The following RDH12 variants were observed in gnomAD, a reference collection of about 807,000 sequenced individuals.
RDH12 encodes the protein all-trans and 9-cis retinol dehydrogenase.
A neutral mutation model predicts 34.0 loss-of-function variants in RDH12; 21 were observed. The observed-to-expected ratio is 0.62, with a 90% CI of 0.44 to 0.89. The LOEUF (loss-of-function observed/expected upper bound fraction) is 0.89. RDH12 is among the 40% of genes least tolerant of loss of function. The pLI is 0.00. For missense variants in RDH12, 394 were observed against 398.6 expected (o/e 0.99, Z 0.10); for synonymous variants, 198 against 169.9 (o/e 1.17, Z -1.29).
intron 8 of RDH12, among the ~76,000 whole-genome samples, chr14:67,731,507 G>T (rs1017457091): frequency 1.3e-5 from 2 of 151,790 alleles, no homozygotes; most frequent in African/African-American, 4.8e-5. Context: ...GAGCCACTGC[G>T]CCTGGTCTTC....
Position 67,733,958 on chromosome 14 carries a change from A to C in RDH12, c.*110A>C, listed in dbSNP as rs2038319987. 1 of 757,298 alleles carries C rather than the reference A, an allele frequency of 1.3e-6. No homozygotes were observed. The highest frequency in any genetic ancestry group is 1.7e-5 in the African/African-American group (1 of 57,710). The allele number at this position is 757,298 out of a possible 1,614,324, so 46.9% of individuals were successfully genotyped here. On this transcript the variant is annotated 3_prime_UTR_variant, in exon 9 of 9. Coordinates refer to ENST00000551171, the MANE Select transcript of RDH12 (RefSeq NM_152443.3). ...TCCTCTTGGCCAGCTGGTGCTGCGA[A>C]TCCTGCCTGCTCTGATCCTCTTGAC...
In RDH12 at chr14:67,724,481, T is replaced by G. The variant is rs1263725141; in HGVS notation, c.77T>G (p.Phe26Cys). The G allele has an allele frequency of 6.2e-7, 1 of 1,610,954 alleles. No individual in the cohort carries two copies. The highest frequency in any genetic ancestry group is 2.3e-5 in the East Asian group (1 of 44,360). The change falls in exon 4 of 9, where the codon TTT becomes TGT. Residue 26 changes from phenylalanine (F) to cysteine (C), a missense_variant. Physicochemically the swap from Phe to Cys is radical, Grantham distance 205. Coordinates refer to ENST00000551171, the MANE Select transcript of RDH12 (RefSeq NM_152443.3). ...GTTTCCCTTGCCGATAGGAAGTTCT[T>G]TGCTGGTGGAGTGTGTAGAACAAAT... ...YMVAPSIRKFFAGGVCRTNVQ... is the reference protein window; with the variant it reads ...YMVAPSIRKFCAGGVCRTNVQ...
intron 1 of RDH12, among the ~76,000 whole-genome samples, chr14:67,716,623 C>T (rs554637771): frequency 6.6e-6 from 1 of 152,272 alleles, no homozygotes; most frequent in Admixed American, 6.5e-5. Flanking sequence ...GTGGCTCACA[C>T]TTGTAATCTC....
chr14:67,725,233 T>A lies in RDH12; in HGVS notation c.322T>A (p.Phe108Ile). 1 of 1,613,526 alleles carries A rather than the reference T, an allele frequency of 6.2e-7. No individual in the cohort carries two copies. Among genetic ancestry groups the A allele is most frequent in the Non-Finnish European group, 8.5e-7 (1 of 1,180,002 alleles). Reference protein sequence around the residue: ...DLSDTKSIRAFAEGFLAEEKQ... With the variant: ...DLSDTKSIRAIAEGFLAEEKQ... Reference sequence around the variant, plus strand: ...ATCCGACACCAAATCTATCCGAGCCTTTGCTGAGGGCTTTCTGGCAGGTGA... The same window carrying A: ...ATCCGACACCAAATCTATCCGAGCCATTGCTGAGGGCTTTCTGGCAGGTGA... The change falls in exon 5 of 9, where the codon TTT (phenylalanine) becomes ATT (isoleucine). Residue 108 changes from phenylalanine (F) to isoleucine (I), a missense_variant. By Grantham distance (21) the Phe-to-Ile change is conservative. Coordinates refer to ENST00000551171, the MANE Select transcript of RDH12 (RefSeq NM_152443.3).
chr14:67,733,525 T>C (rs2038312661), intron 8 of RDH12, among the ~76,000 whole-genome samples: 1 of 152,272 alleles, frequency 6.6e-6, no homozygotes, highest in Non-Finnish European at 1.5e-5. Context: ...GACCTGGTAC[T>C]AGATCTTGTT....
intron 8 of RDH12, among the ~76,000 whole-genome samples, chr14:67,732,430 A>G (rs1391680351): frequency 6.7e-4 from 2 of 2,992 alleles, no homozygotes; most frequent in African/African-American, 1.7e-3. Context: ...ACCCTATCTC[A>G]AAAAAAAAAA....
chr14:67,706,882 A>T (rs2037956157), intron 1 of RDH12, among the ~76,000 whole-genome samples: 1 of 152,136 alleles, frequency 6.6e-6, no homozygotes, highest in Non-Finnish European at 1.5e-5. Context: ...GTAGGTCCTA[A>T]GTTATTAGCA....
At chr14:67,720,055 C>T (rs1287919203) in intron 1 of RDH12, among the ~76,000 whole-genome samples, 7 of 152,210 alleles carry the variant, frequency 4.6e-5, no homozygotes, top group Non-Finnish European at 1.0e-4. Context: ...ACGAGCAATG[C>T]ATCAGCATTA....
chr14:67,724,400 T>C, intron 3 of RDH12, 73 bp from the exon 4 acceptor site: 1 of 1,043,964 alleles, frequency 9.6e-7, no homozygotes. Flanking sequence ...GAGTTTTTTT[T>C]TTTTTTTTTA....
chr14:67,723,168 GT>G (rs2038144858), intron 3 of RDH12, among the ~76,000 whole-genome samples: 1 of 152,208 alleles, frequency 6.6e-6, no homozygotes, highest in Non-Finnish European at 1.5e-5. Flanking sequence ...CTCAATTAAT[GT>G]TTTGGGATGG....
rs370937489 is a variant in RDH12, at chr14:67,712,129, A to C, written c.-274-8719A>C. Among the ~76,000 whole-genome samples, 46 of 152,202 alleles carry C rather than the reference A, an allele frequency of 3.0e-4. 1 individual carries two copies. Among genetic ancestry groups the C allele is most frequent in the African/African-American group, 1.1e-3 (45 of 41,546 alleles). The stretch of plus-strand genomic sequence containing the variant: ...GAGACACGGTTTCACCATGTTGGCC[A>C]GGCTGGTCTTGAACTCCTGACCTCA... On this transcript the variant is annotated intron_variant, in intron 1 of 8. Transcript: ENST00000551171.
chr14:67,716,924 C>T (rs2038075408), intron 1 of RDH12, among the ~76,000 whole-genome samples: 1 of 151,532 alleles, frequency 6.6e-6, no homozygotes, highest in Non-Finnish European at 1.5e-5. Flanking sequence ...ATCCATATAT[C>T]CATAACCTAG....
At position 67,733,683 on chromosome 14, in the gene RDH12, C is replaced by A. The variant is rs1486444577; in HGVS notation, c.849-63C>A. The stretch of plus-strand genomic sequence containing the variant: ...TTTAGAAACATTCTGAGAAAGGGAC[C>A]ATAAAGATTTCCAGACTGCTAATTC... On this transcript the variant is annotated intron_variant, in intron 8 of 8. Transcript: ENST00000551171. 43 of 1,065,096 alleles carry A rather than the reference C, an allele frequency of 4.0e-5. No homozygotes were observed. In the East Asian group the frequency reaches 9.4e-4, roughly 23 times the overall value. The allele number at this position is 1,065,096 out of a possible 1,614,324, so 66.0% of individuals were successfully genotyped here.
chr14:67,733,943 C>T lies in RDH12; in HGVS notation c.*95C>T. ...AACCCTAAAGGATTGTCCTCTTGGC[C>T]AGCTGGTGCTGCGAATCCTGCCTGC... On this transcript the variant is annotated 3_prime_UTR_variant, in exon 9 of 9. Coordinates refer to ENST00000551171, the MANE Select transcript of RDH12 (RefSeq NM_152443.3). The T allele has an allele frequency of 1.1e-6, 1 of 901,608 alleles. No individual in the cohort carries two copies. Among genetic ancestry groups the T allele is most frequent in the South Asian group, 1.4e-5 (1 of 72,852 alleles). 55.9% of individuals were successfully genotyped at this position (901,608 alleles called of 1,614,324 possible).
At chr14:67,730,514 T>C (rs1369127943) in intron 8 of RDH12, among the ~76,000 whole-genome samples, 1 of 152,262 alleles carries the variant, frequency 6.6e-6, no homozygotes, top group Non-Finnish European at 1.5e-5. Context: ...TTTCGGGTTT[T>C]AGATTTTTGG....
At chr14:67,715,724 G>A (rs1485522839) in intron 1 of RDH12, among the ~76,000 whole-genome samples, 3 of 152,222 alleles carry the variant, frequency 2.0e-5, no homozygotes, top group South Asian at 4.1e-4. Flanking sequence ...CAATACTCAC[G>A]AAGTTGCAAA....
At chr14:67,727,545 C>T (rs535082017) in intron 7 of RDH12, 27 of 304,334 alleles carry the variant, frequency 8.9e-5, no homozygotes, top group South Asian at 5.4e-4. Flanking sequence ...TGCAGTAGTG[C>T]GATCTTGGCT....
At chr14:67,719,391 C>T (rs1338163049) in intron 1 of RDH12, among the ~76,000 whole-genome samples, 1 of 152,180 alleles carries the variant, frequency 6.6e-6, no homozygotes. Context: ...AGTCTTAAGA[C>T]CTTTTCCAAG....
chr14:67,732,778 G>A (rs1297477182), intron 8 of RDH12, among the ~76,000 whole-genome samples: 6 of 151,950 alleles, frequency 3.9e-5, no homozygotes, highest in African/African-American at 1.2e-4. Flanking sequence ...GCAGGGTTTC[G>A]CCTTGTTGGC....
Sources: gnomAD v4.1 joint callset for allele counts (sites outside exome capture counted in the v4.1 genomes callset) on GRCh38, gnomAD v4.1.1 for gene constraint, MANE v1.5 for transcripts, NCBI Gene and HGNC (gene_info 2026-07-23, HGNC 2026-07-21) for gene names.